The following VTA1 variants were observed in gnomAD, a reference collection of about 807,000 sequenced individuals.
The protein encoded by VTA1 is vacuolar protein sorting-associated protein VTA1 homolog.
VTA1 carries 24 observed loss-of-function variants against 36.9 expected under a neutral mutation model. The observed-to-expected ratio is 0.65, with a 90% CI of 0.47 to 0.91. VTA1 has a LOEUF of 0.91. Among genes scored for constraint, VTA1 ranks in the 40% least tolerant of loss-of-function variants. VTA1 has a pLI of 0.00. For synonymous variants in VTA1, 142 were observed against 130.2 expected (o/e 1.09, Z -0.62); for missense variants, 393 against 377.2 (o/e 1.04, Z -0.35).
At chr6:142,207,560 A>T (rs1429308241) in intron 7 of VTA1, among the ~76,000 whole-genome samples, 2 of 152,150 alleles carry the variant, frequency 1.3e-5, no homozygotes, top group Non-Finnish European at 2.9e-5. Context: ...TCAGCGCTCC[A>T]AACATTTACT....
chr6:142,221,254 T>C lies in VTA1; in HGVS notation c.*2611T>C, dbSNP rs1776104118. 5 of 152,190 alleles carry C rather than the reference T, an allele frequency of 3.3e-5. No homozygotes were observed. 9.4% of individuals were successfully genotyped at this position (152,190 alleles called of 1,614,324 possible). A position where few individuals can be genotyped will look rare whatever the true frequency, so the allele number is the denominator to read the frequency against. On this transcript the variant is annotated 3_prime_UTR_variant, in exon 8 of 8. Coordinates refer to ENST00000367630, the MANE Select transcript of VTA1 (RefSeq NM_016485.5). ...CTGTATTAAATAGTGATAAATGCTATGGAGGAAACATTGAGGACAGGATAG... is the reference window on the plus strand; with the variant it reads ...CTGTATTAAATAGTGATAAATGCTACGGAGGAAACATTGAGGACAGGATAG...
chr6:142,197,955 G>A (rs1208517787), intron 5 of VTA1, among the ~76,000 whole-genome samples: 1 of 151,450 alleles, frequency 6.6e-6, no homozygotes, highest in African/African-American at 2.4e-5. Context: ...AAACTAGCCG[G>A]GAGTGGTGGC....
At chr6:142,166,028 T>TA (rs1241185969) in intron 1 of VTA1, among the ~76,000 whole-genome samples, 200 bp from the exon 2 acceptor site, 4 of 151,858 alleles carry the variant, frequency 2.6e-5, no homozygotes, top group Admixed American at 6.6e-5. Context: ...CCTTATTTGA[T>TA]AAAAAAATTT....
At chr6:142,178,832 C>G (rs1397675563) in intron 4 of VTA1, among the ~76,000 whole-genome samples, 2 of 151,630 alleles carry the variant, frequency 1.3e-5, no homozygotes, top group African/African-American at 2.4e-5. Flanking sequence ...AAAAGCAAGC[C>G]TTAACTGTAT....
chr6:142,210,830 AG>A (rs2114685525), intron 7 of VTA1, among the ~76,000 whole-genome samples: 1 of 149,816 alleles, frequency 6.7e-6, no homozygotes, highest in East Asian at 2.0e-4. Context: ...AATATCCAAA[AG>A]AAAGGAAATG....
intron 7 of VTA1, among the ~76,000 whole-genome samples, chr6:142,215,282 T>C (rs1449143391): frequency 6.6e-6 from 1 of 151,674 alleles, no homozygotes; most frequent in Non-Finnish European, 1.5e-5. Context: ...ACTAAAAAAT[T>C]ACAAAAAAGT....
rs1259650162 is a variant in VTA1, at chr6:142,198,115, A to ATGTGTG, written c.521-323_521-322insGTGTGT. Among the ~76,000 whole-genome samples, 232 of 76,502 alleles carry ATGTGTG rather than the reference A, an allele frequency of 3.0e-3. 2 individuals are homozygous for ATGTGTG. Among genetic ancestry groups the ATGTGTG allele is most frequent in the African/African-American group, 8.6e-3 (212 of 24,732 alleles). 50.2% of individuals were successfully genotyped at this position (76,502 alleles called of 152,430 possible). A position where few individuals can be genotyped will look rare whatever the true frequency, so the allele number is the denominator to read the frequency against. On this transcript the variant is annotated intron_variant, in intron 5 of 7. Coordinates refer to ENST00000367630, the MANE Select transcript of VTA1 (RefSeq NM_016485.5). ...CCGTCTCAAAAAAAAATATATATAT[A>ATGTGTG]TATATGTGTGTGTGTGTGTGTGTGT...
chr6:142,188,765 T>A (rs1461591405), intron 4 of VTA1, among the ~76,000 whole-genome samples: 25 of 152,350 alleles, frequency 1.6e-4, no homozygotes, highest in Admixed American at 1.2e-3. Flanking sequence ...TGCAAATTTT[T>A]ATCTTACATC....
intron 1 of VTA1, among the ~76,000 whole-genome samples, chr6:142,162,613 G>C (rs1222552850): frequency 1.3e-5 from 2 of 152,112 alleles, no homozygotes; most frequent in African/African-American, 2.4e-5. Context: ...TACGATATTT[G>C]TAATGATGAC....
intron 4 of VTA1, among the ~76,000 whole-genome samples, chr6:142,175,247 A>G (rs773862914): frequency 2.6e-5 from 4 of 152,044 alleles, no homozygotes; most frequent in African/African-American, 2.4e-5. Context: ...TGAAGAACCT[A>G]CAGGAACTTC....
Position 142,220,209 on chromosome 6 carries a change from A to G in VTA1, c.*1566A>G, listed in dbSNP as rs1776082433. The G allele has an allele frequency of 6.6e-6, 1 of 152,212 alleles. No individual in the cohort carries two copies. The highest frequency in any genetic ancestry group is 2.1e-4 in the South Asian group (1 of 4,836). 9.4% of individuals were successfully genotyped at this position (152,212 alleles called of 1,614,324 possible). On this transcript the variant is annotated 3_prime_UTR_variant, in exon 8 of 8. Coordinates refer to ENST00000367630, the MANE Select transcript of VTA1 (RefSeq NM_016485.5). ...GGTATGAACATTTGTAGGGTTCCAC[A>G]TTTGCATCTAGAAATCCAATGCTCT... is the stretch of plus-strand genomic sequence containing the variant.
At chr6:142,156,906 G>A (rs1411351081) in intron 1 of VTA1, among the ~76,000 whole-genome samples, 3 of 152,198 alleles carry the variant, frequency 2.0e-5, no homozygotes, top group Non-Finnish European at 4.4e-5. Context: ...ACTTGCTTAT[G>A]CCTGTACTCC....
At chr6:142,195,675 A>C (rs1183008011) in intron 5 of VTA1, among the ~76,000 whole-genome samples, 1 of 148,412 alleles carries the variant, frequency 6.7e-6, no homozygotes, top group Non-Finnish European at 1.5e-5. Flanking sequence ...CTGATAGAAT[A>C]ATTTAAATCT....
intron 4 of VTA1, among the ~76,000 whole-genome samples, chr6:142,188,431 T>C (rs1582892947): frequency 6.6e-6 from 1 of 151,862 alleles, no homozygotes; most frequent in Non-Finnish European, 1.5e-5. Flanking sequence ...GCCAGGCTGG[T>C]CTTGAACTTC....
At chr6:142,152,047 GAAA>G (rs1421025041) in intron 1 of VTA1, among the ~76,000 whole-genome samples, 1 of 151,106 alleles carries the variant, frequency 6.6e-6, no homozygotes, top group South Asian at 2.1e-4. Context: ...AAAATAATAA[GAAA>G]AAGAAGAAGA....
intron 7 of VTA1, among the ~76,000 whole-genome samples, chr6:142,207,221 C>A (rs75167761): frequency 6.6e-6 from 1 of 152,108 alleles, no homozygotes; most frequent in Non-Finnish European, 1.5e-5. Flanking sequence ...AAATCTCCCC[C>A]ACCTCATAAT....
At chr6:142,208,343 A>G (rs1449011837) in intron 7 of VTA1, among the ~76,000 whole-genome samples, 1 of 152,014 alleles carries the variant, frequency 6.6e-6, no homozygotes, top group South Asian at 2.1e-4. Flanking sequence ...TAAGCAGAAG[A>G]AAAAAATCAG....
intron 1 of VTA1, among the ~76,000 whole-genome samples, chr6:142,163,050 A>T (rs912343336): frequency 4.6e-5 from 7 of 152,214 alleles, no homozygotes; most frequent in African/African-American, 1.4e-4. Flanking sequence ...TTTACATTTG[A>T]ATTCAATTTA....
chr6:142,198,143 GTGTGTGTGTGTGTGTGTGTGTA>G (rs1562266841), intron 5 of VTA1, among the ~76,000 whole-genome samples: 15 of 148,690 alleles, frequency 1.0e-4, no homozygotes, highest in Middle Eastern at 3.4e-3. Flanking sequence ...GTGTGTGTGT[GTGTGTGTGTGTGTGTGTGTGTA>G]TATGTGTGTA....
Sources: gnomAD v4.1 joint callset for allele counts (sites outside exome capture counted in the v4.1 genomes callset) on GRCh38, gnomAD v4.1.1 for gene constraint, MANE v1.5 for transcripts, NCBI Gene and HGNC (gene_info 2026-07-23, HGNC 2026-07-21) for gene names.